Variants in DTWD2 observed in about 807,000 individuals in gnomAD.
The protein encoded by DTWD2 is tRNA-uridine aminocarboxypropyltransferase 2.
In DTWD2, 39 loss-of-function variants were observed where a neutral mutation model predicts 31.8. That is an observed-to-expected ratio of 1.22 (90% CI 0.95 to 1.60). The LOEUF (loss-of-function observed/expected upper bound fraction) is 1.60. Ranked by LOEUF, DTWD2 falls within the 40% of genes most tolerant of loss-of-function variation. The pLI, the probability that DTWD2 is intolerant of heterozygous loss-of-function variation, is 0.00. For missense variants in DTWD2, 515 were observed against 381.5 expected (o/e 1.35, Z -2.92); for synonymous variants, 180 against 142.8 (o/e 1.26, Z -1.86).
chr5:118,869,747 C>T (rs973752326), intron 4 of DTWD2, among the ~76,000 whole-genome samples: 6 of 152,168 alleles, frequency 3.9e-5, no homozygotes, highest in African/African-American at 1.4e-4. Context: ...AGTTTCTATA[C>T]AATTTAAATA....
chr5:118,881,318 T>C (rs1332425072), intron 4 of DTWD2, among the ~76,000 whole-genome samples: 4 of 152,222 alleles, frequency 2.6e-5, no homozygotes, highest in African/African-American at 9.6e-5. Flanking sequence ...TAATCTAAGA[T>C]ATAATTTTTT....
chr5:118,914,860 C>T (rs995484622), intron 4 of DTWD2, among the ~76,000 whole-genome samples: 1 of 152,158 alleles, frequency 6.6e-6, no homozygotes, highest in Non-Finnish European at 1.5e-5. Flanking sequence ...GGCTAGCATC[C>T]TGGGTGATGA....
intron 4 of DTWD2, among the ~76,000 whole-genome samples, chr5:118,926,880 A>G (rs1182392382): frequency 1.3e-5 from 2 of 152,150 alleles, no homozygotes; most frequent in African/African-American, 2.4e-5. Context: ...GAACTCAGAA[A>G]TCTTAATAAA....
intron 2 of DTWD2, among the ~76,000 whole-genome samples, chr5:118,942,247 C>T (rs995979471): frequency 4.6e-5 from 7 of 152,112 alleles, no homozygotes; most frequent in Non-Finnish European, 7.3e-5. Context: ...CAGTGGTTCA[C>T]GCCTATAGTC....
At chr5:118,844,358 G>A (rs1460315446) in intron 5 of DTWD2, among the ~76,000 whole-genome samples, 1 of 152,120 alleles carries the variant, frequency 6.6e-6, no homozygotes, top group African/African-American at 2.4e-5. Flanking sequence ...TAATAAAAAA[G>A]AACCCCAAGC....
rs1022654269 is a variant in DTWD2 at position 118,840,230 on chromosome 5, G to A, written c.*687C>T. ...CCATATGAAAACATCAATAAAATAA[G>A]TTTACCAGAGTCAATAAGCCTGTTC... On this transcript the variant is annotated 3_prime_UTR_variant, in exon 6 of 6. Transcript: ENST00000510708. The A allele has an allele frequency of 6.6e-6, 1 of 152,044 alleles. No individual in the cohort carries two copies. Among genetic ancestry groups the A allele is most frequent in the African/African-American group, 2.4e-5 (1 of 41,390 alleles). 9.4% of individuals were successfully genotyped at this position (152,044 alleles called of 1,614,324 possible).
chr5:118,941,720 T>C (rs1007682724), intron 2 of DTWD2, among the ~76,000 whole-genome samples: 1 of 152,178 alleles, frequency 6.6e-6, no homozygotes, highest in African/African-American at 2.4e-5. Context: ...GGTCAAATGG[T>C]ATTTCTAGTT....
intron 4 of DTWD2, among the ~76,000 whole-genome samples, chr5:118,853,320 C>G (rs545609021): frequency 6.6e-6 from 1 of 152,234 alleles, no homozygotes; most frequent in African/African-American, 2.4e-5. Context: ...TTAGTTCAGC[C>G]TCTATAGAAA....
intron 4 of DTWD2, among the ~76,000 whole-genome samples, chr5:118,877,971 G>T (rs905498367): frequency 4.6e-5 from 7 of 151,936 alleles, no homozygotes; most frequent in Non-Finnish European, 1.0e-4. Context: ...AAATACCTAG[G>T]AATACAACTA....
intron 1 of DTWD2, among the ~76,000 whole-genome samples, chr5:118,983,509 T>C (rs978448411): frequency 6.6e-6 from 1 of 150,850 alleles, no homozygotes; most frequent in African/African-American, 2.5e-5. Flanking sequence ...CCTTTCCCCA[T>C]TTTCTCTCTC....
rs397999089 is a variant in DTWD2 at position 118,934,272 on chromosome 5, TAAAAAAAAA to T, written c.404+4915_404+4923del. On this transcript the variant is annotated intron_variant, in intron 3 of 5. Transcript: ENST00000510708. The stretch of plus-strand genomic sequence containing the variant: ...CAACATAGTGAGACCTTGTCTCCAT[TAAAAAAAAA>T]AAAAAAAAAAAAAAAAAAAAGCAAA... Among the ~76,000 whole-genome samples, 152 of 23,562 alleles carry T rather than the reference TAAAAAAAAA, an allele frequency of 6.5e-3. No individual in the cohort carries two copies. In the Middle Eastern group the frequency reaches 0.083, roughly 13 times the overall value. The allele number at this position is 23,562 out of a possible 152,430, so 15.5% of individuals were successfully genotyped here.
chr5:118,874,329 C>T (rs572564006), intron 4 of DTWD2, among the ~76,000 whole-genome samples: 1 of 152,254 alleles, frequency 6.6e-6, no homozygotes, highest in African/African-American at 2.4e-5. Flanking sequence ...ATCACCTTTC[C>T]AACAATGGTT....
chr5:118,939,923 A>G (rs1432706655), intron 2 of DTWD2, among the ~76,000 whole-genome samples: 1 of 152,194 alleles, frequency 6.6e-6, no homozygotes, highest in Non-Finnish European at 1.5e-5. Context: ...TAAATAAATG[A>G]CTTAATAAAT....
intron 4 of DTWD2, among the ~76,000 whole-genome samples, chr5:118,861,805 AAAT>A (rs1580772314): frequency 1.3e-5 from 2 of 152,190 alleles, no homozygotes; most frequent in East Asian, 3.9e-4. Flanking sequence ...CCCAAAAAGA[AAAT>A]AAAATGGACT....
In DTWD2 at chr5:118,851,371, G is replaced by A. The variant is rs555724369; in HGVS notation, c.598-3153C>T. Among the ~76,000 whole-genome samples, 383 of 151,740 alleles carry A rather than the reference G, an allele frequency of 2.5e-3. 5 individuals are homozygous for A. Among genetic ancestry groups the A allele is most frequent in the Admixed American group, 3.8e-3 (58 of 15,258 alleles). On this transcript the variant is annotated intron_variant, in intron 4 of 5. Coordinates refer to ENST00000510708, the MANE Select transcript of DTWD2 (RefSeq NM_173666.4). Reference sequence around the variant, plus strand: ...AGAGGAATTTTACATCTGGGCCGCCGGGGGCAACATCACATATCGGTAGGA... The same window carrying A: ...AGAGGAATTTTACATCTGGGCCGCCAGGGGCAACATCACATATCGGTAGGA...
rs141922126 is a variant in DTWD2 at position 118,886,567 on chromosome 5, G to A, written c.598-38349C>T. ...TACAGGGAATGGCAGGTAAAGCGAA[G>A]AGGTAAGAAAATTCATATAGAAGTG... is the stretch of plus-strand genomic sequence containing the variant. On this transcript the variant is annotated intron_variant, in intron 4 of 5. Coordinates refer to ENST00000510708, the MANE Select transcript of DTWD2 (RefSeq NM_173666.4). Among the ~76,000 whole-genome samples the A allele has an allele frequency of 1.5e-3, 225 of 152,290 alleles. 4 individuals are homozygous for A. The highest frequency in any genetic ancestry group is 5.6e-3 in the Admixed American group (85 of 15,302).
chr5:118,909,558 C>T (rs1753413601), intron 4 of DTWD2, among the ~76,000 whole-genome samples: 1 of 152,220 alleles, frequency 6.6e-6, no homozygotes, highest in Admixed American at 6.5e-5. Flanking sequence ...CCACCCCACA[C>T]ATGTCCACTA....
At chr5:118,886,914 T>C (rs936665117) in intron 4 of DTWD2, among the ~76,000 whole-genome samples, 1 of 152,156 alleles carries the variant, frequency 6.6e-6, no homozygotes, top group African/African-American at 2.4e-5. Context: ...CCAATAATTT[T>C]ATAAGGGTAG....
At chr5:118,950,893 T>A (rs1056440762) in intron 1 of DTWD2, among the ~76,000 whole-genome samples, 1 of 152,166 alleles carries the variant, frequency 6.6e-6, no homozygotes, top group Admixed American at 6.5e-5. Context: ...GGCTGGAATT[T>A]AAGTTTTGGA....
Sources: allele counts gnomAD v4.1 joint callset (sites outside exome capture counted in the v4.1 genomes callset), GRCh38; gene constraint gnomAD v4.1.1; transcripts MANE v1.5; gene names NCBI Gene and HGNC (gene_info 2026-07-23, HGNC 2026-07-21).